GNAQ: variants seen among roughly 807,000 people sequenced by gnomAD.
GNAQ encodes the protein G protein subunit alpha q.
In GNAQ, 8 loss-of-function variants were observed where a neutral mutation model predicts 43.9. The ratio of observed to expected loss-of-function variants is 0.18; its 90% CI spans 0.11 to 0.33. GNAQ has a LOEUF of 0.33. Ranked by LOEUF, GNAQ falls within the 10% of genes least tolerant of loss-of-function variation. The pLI, the probability that GNAQ is intolerant of heterozygous loss-of-function variation, is 1.00. For synonymous variants in GNAQ, 155 were observed against 170.7 expected (o/e 0.91, Z 0.71); for missense variants, 158 against 450.8 (o/e 0.35, Z 5.88).
At chr9:77,916,798 G>C (rs878972128) in intron 2 of GNAQ, among the ~76,000 whole-genome samples, 3 of 151,036 alleles carry the variant, frequency 2.0e-5, no homozygotes, top group Admixed American at 2.0e-4. Context: ...ACTCAACATT[G>C]GCCCAAGGTG....
At chr9:77,810,286 C>A (rs1186038615) in intron 3 of GNAQ, among the ~76,000 whole-genome samples, 27 of 151,932 alleles carry the variant, frequency 1.8e-4, no homozygotes, top group Non-Finnish European at 2.9e-5. Context: ...TCCATCCATC[C>A]TGTGTGAGGC....
At chr9:77,746,807 A>C (rs1825737674) in intron 5 of GNAQ, among the ~76,000 whole-genome samples, 1 of 152,198 alleles carries the variant, frequency 6.6e-6, no homozygotes, top group Non-Finnish European at 1.5e-5. Flanking sequence ...ATCAAGAAAA[A>C]AAGAGTAAAA....
At position 77,718,547 on chromosome 9, in the gene GNAQ, ATATAACAATCT is replaced by A. The variant is rs1180417153; in HGVS notation, c.*2765_*2775del. On this transcript the variant is annotated 3_prime_UTR_variant, in exon 7 of 7. Transcript: ENST00000286548. ...TTCCATCCCAATTTCATAAAGACAA[ATATAACAATCT>A]TTCCCTGTTTTGCTCAGCTTCTTCA... 8.6e-6 allele frequency: 2 copies of A among 232,426 alleles called. No homozygotes were observed. Among genetic ancestry groups the A allele is most frequent in the African/African-American group, 4.4e-5 (2 of 45,202 alleles). The allele number at this position is 232,426 out of a possible 1,614,324, so 14.4% of individuals were successfully genotyped here. A position where few individuals can be genotyped will look rare whatever the true frequency, so the allele number is the denominator to read the frequency against.
At chr9:77,957,151 T>C (rs530282620) in intron 1 of GNAQ, among the ~76,000 whole-genome samples, 1 of 152,120 alleles carries the variant, frequency 6.6e-6, no homozygotes, top group African/African-American at 2.4e-5. Context: ...AGGTCAGAAA[T>C]TCGAGACCAG....
chr9:78,010,616 C>T (rs149353362), intron 1 of GNAQ, among the ~76,000 whole-genome samples: 17 of 152,216 alleles, frequency 1.1e-4, no homozygotes, highest in African/African-American at 3.9e-4. Context: ...AAGCACACTT[C>T]CTGGAAAGAC....
chr9:77,833,756 CT>C (rs1827339181), intron 2 of GNAQ, among the ~76,000 whole-genome samples: 1 of 152,094 alleles, frequency 6.6e-6, no homozygotes, highest in African/African-American at 2.4e-5. Flanking sequence ...ATATACACAC[CT>C]TTTTTTATTC....
intron 1 of GNAQ, among the ~76,000 whole-genome samples, chr9:78,011,508 C>CTA (rs1823772368): frequency 1.3e-5 from 2 of 152,084 alleles, no homozygotes; most frequent in Non-Finnish European, 2.9e-5. Context: ...TTGCTTTGCA[C>CTA]TATATCAAGA....
chr9:77,899,580 A>C (rs1166992777), intron 2 of GNAQ, among the ~76,000 whole-genome samples: 1 of 152,068 alleles, frequency 6.6e-6, no homozygotes, highest in South Asian at 2.1e-4. Context: ...AATGGACTAC[A>C]TGACTAGGAA....
At chr9:77,746,705 A>G (rs773306375) in intron 5 of GNAQ, among the ~76,000 whole-genome samples, 9 of 152,230 alleles carry the variant, frequency 5.9e-5, no homozygotes, top group Non-Finnish European at 7.4e-5. Context: ...ATTGGGTTAT[A>G]TAACTGTTGA....
intron 2 of GNAQ, among the ~76,000 whole-genome samples, chr9:77,852,030 C>T (rs1827681224): frequency 6.6e-6 from 1 of 152,126 alleles, no homozygotes; most frequent in African/African-American, 2.4e-5. Flanking sequence ...CAAGATTCTG[C>T]TGAAGATTAT....
chr9:77,942,348 G>C (rs1410565), intron 1 of GNAQ, among the ~76,000 whole-genome samples: 1 of 152,020 alleles, frequency 6.6e-6, no homozygotes, highest in East Asian at 1.9e-4. Context: ...GAAGGAATTT[G>C]AATATTATAT....
intron 2 of GNAQ, among the ~76,000 whole-genome samples, chr9:77,874,862 G>C (rs935537633): frequency 1.3e-5 from 2 of 151,942 alleles, no homozygotes; most frequent in African/African-American, 4.8e-5. Flanking sequence ...CTCAAGCAAT[G>C]CTCCTGCCTT....
intron 1 of GNAQ, among the ~76,000 whole-genome samples, chr9:78,029,953 G>A (rs1426724299): frequency 6.6e-6 from 1 of 152,112 alleles, no homozygotes; most frequent in Non-Finnish European, 1.5e-5. Flanking sequence ...TGTCACTGTG[G>A]CTTGTATATG....
At chr9:77,816,051 T>C (rs1383349225) in intron 2 of GNAQ, among the ~76,000 whole-genome samples, 1 of 152,178 alleles carries the variant, frequency 6.6e-6, no homozygotes, top group African/African-American at 2.4e-5. Flanking sequence ...ATAAGAATGT[T>C]ATGCTTACAC....
intron 1 of GNAQ, among the ~76,000 whole-genome samples, chr9:77,986,481 T>C (rs1367183861): frequency 6.6e-6 from 1 of 152,196 alleles, no homozygotes; most frequent in African/African-American, 2.4e-5. Flanking sequence ...ACCATCATTC[T>C]TTCTTGCAGT....
At chr9:77,859,617 A>T (rs1337873345) in intron 2 of GNAQ, among the ~76,000 whole-genome samples, 2 of 152,210 alleles carry the variant, frequency 1.3e-5, no homozygotes, top group African/African-American at 4.8e-5. Flanking sequence ...TGGTAACCAT[A>T]AGACCCGGAG....
intron 3 of GNAQ, among the ~76,000 whole-genome samples, chr9:77,807,401 A>C (rs1587925382): frequency 2.0e-5 from 3 of 152,298 alleles, no homozygotes; most frequent in African/African-American, 7.2e-5. Flanking sequence ...ATCAGCTGCA[A>C]CATACTACCA....
chr9:77,734,126 T>G (rs534220097), intron 5 of GNAQ, among the ~76,000 whole-genome samples: 52 of 152,332 alleles, frequency 3.4e-4, no homozygotes, highest in African/African-American at 1.2e-3. Context: ...CTGGCTTTCC[T>G]TATCCCCCTC....
At chr9:77,896,850 G>A (rs1308891647) in intron 2 of GNAQ, among the ~76,000 whole-genome samples, 1 of 152,160 alleles carries the variant, frequency 6.6e-6, no homozygotes, top group Non-Finnish European at 1.5e-5. Context: ...TAGTGGATCT[G>A]GCTGACACCT....
Sources: allele counts gnomAD v4.1 joint callset (sites outside exome capture counted in the v4.1 genomes callset), GRCh38; gene constraint gnomAD v4.1.1; transcripts MANE v1.5; gene names NCBI Gene and HGNC (gene_info 2026-07-23, HGNC 2026-07-21).